A1CF: variants seen among roughly 807,000 people sequenced by gnomAD.
A1CF encodes APOBEC-1 stimulating protein.
In A1CF, 48 loss-of-function variants were observed where a neutral mutation model predicts 68.9. The ratio of observed to expected loss-of-function variants is 0.70; its 90% CI spans 0.55 to 0.89. The LOEUF (loss-of-function observed/expected upper bound fraction) is 0.89. Among genes scored for constraint, A1CF ranks in the 40% least tolerant of loss-of-function variants. The pLI is 0.00. For missense variants in A1CF, 653 were observed against 718.9 expected, an observed-to-expected ratio of 0.91 and a Z score of 1.05; for synonymous variants, 272 against 260.4, an observed-to-expected ratio of 1.04 and a Z score of -0.43.
chr10:50,856,374 A>G (rs1330191984), intron 3 of A1CF, among the ~76,000 whole-genome samples: 2 of 152,212 alleles, frequency 1.3e-5, no homozygotes, highest in African/African-American at 4.8e-5. Flanking sequence ...ATAGGTATTT[A>G]CATTTTGATT....
Position 50,871,049 on chromosome 10 carries a change from A to C in A1CF, c.-93-6969T>G, listed in dbSNP as rs1424882452. ...TTAATACCCAGTATTGGTTTAAAAA[A>C]AATCTTCATAAGTGAACAATAGAAC... On this transcript the variant is annotated intron_variant, in intron 1 of 12. Transcript: ENST00000373997. Among the ~76,000 whole-genome samples, 4 of 151,768 alleles carry C rather than the reference A, an allele frequency of 2.6e-5. No individual in the cohort carries two copies. The East Asian group carries it at 7.7e-4, about 29-fold the overall frequency.
chr10:50,869,914 T>A (rs760541898), intron 1 of A1CF, among the ~76,000 whole-genome samples: 1 of 151,892 alleles, frequency 6.6e-6, no homozygotes, highest in Non-Finnish European at 1.5e-5. Context: ...TAGCTCTTGC[T>A]CATAATATAA....
At chr10:50,879,483 A>C (rs1001914138) in intron 1 of A1CF, among the ~76,000 whole-genome samples, 1 of 152,206 alleles carries the variant, frequency 6.6e-6, no homozygotes, top group Non-Finnish European at 1.5e-5. Context: ...TGGGTAATTT[A>C]TAAAGAAAGA....
chr10:50,801,135 A>G lies in A1CF; in HGVS notation c.*5594T>C, dbSNP rs1837584314. ...CTGCCATATGAAGGCAGAACTCAGG[A>G]CTCACAGCCCAGGGGTTATGAGAGG... On this transcript the variant is annotated 3_prime_UTR_variant, in exon 13 of 13. Transcript: ENST00000373997. 2.6e-5 allele frequency: 4 copies of G among 152,198 alleles called. No individual in the cohort carries two copies. The highest frequency in any genetic ancestry group is 9.7e-5 in the African/African-American group (4 of 41,440). 9.4% of individuals were successfully genotyped at this position (152,198 alleles called of 1,614,324 possible).
chr10:50,830,456 C>T (rs1839183293), intron 6 of A1CF, among the ~76,000 whole-genome samples: 1 of 152,104 alleles, frequency 6.6e-6, no homozygotes, highest in African/African-American at 2.4e-5. Context: ...AGTAGCCTTT[C>T]TATACACTAA....
intron 5 of A1CF, among the ~76,000 whole-genome samples, chr10:50,838,944 T>G (rs1839647117): frequency 6.6e-6 from 1 of 152,162 alleles, no homozygotes; most frequent in Admixed American, 6.5e-5. Flanking sequence ...TTCTGTCATA[T>G]TTTTCCTTTT....
intron 3 of A1CF, among the ~76,000 whole-genome samples, chr10:50,848,755 T>G (rs1564519685): frequency 6.6e-6 from 1 of 152,212 alleles, no homozygotes; most frequent in Non-Finnish European, 1.5e-5. Context: ...TTCCTGTACA[T>G]TTTCCAATTG....
intron 1 of A1CF, among the ~76,000 whole-genome samples, chr10:50,884,513 G>GCGTGCTCCCATTT (rs1435524339): frequency 6.6e-6 from 1 of 152,156 alleles, no homozygotes; most frequent in African/African-American, 2.4e-5. Context: ...TGCTCCCATT[G>GCGTGCTCCCATTT]CATGCTCCAT....
intron 10 of A1CF, among the ~76,000 whole-genome samples, chr10:50,813,214 C>CA (rs1162673695): frequency 2.0e-5 from 3 of 152,208 alleles, no homozygotes. Flanking sequence ...CCCCGGGAGT[C>CA]AGTTTCCATA....
chr10:50,837,059 T>A (rs1839535838), intron 5 of A1CF, among the ~76,000 whole-genome samples: 1 of 152,134 alleles, frequency 6.6e-6, no homozygotes, highest in Non-Finnish European at 1.5e-5. Flanking sequence ...TTTTCTTTTG[T>A]AGCCAAAGAG....
At chr10:50,860,805 A>G (rs1840709789) in intron 2 of A1CF, among the ~76,000 whole-genome samples, 1 of 152,176 alleles carries the variant, frequency 6.6e-6, no homozygotes, top group Admixed American at 6.5e-5. Flanking sequence ...AGTTCCCAGA[A>G]CAAGATAATG....
At chr10:50,811,295 G>A in intron 10 of A1CF, 119 bp from the exon 11 acceptor site, 1 of 941,454 alleles carries the variant, frequency 1.1e-6, no homozygotes, top group Non-Finnish European at 1.5e-6. Flanking sequence ...GACATAAAAT[G>A]CCACATGATT....
chr10:50,815,776 T>A (rs998362402), intron 9 of A1CF, among the ~76,000 whole-genome samples: 3 of 152,228 alleles, frequency 2.0e-5, no homozygotes, highest in African/African-American at 7.2e-5. Context: ...AGTTTGAATC[T>A]GTGCACTAGG....
chr10:50,824,392 TAAG>T (rs1361300103), intron 7 of A1CF: 1 of 152,026 alleles, frequency 6.6e-6, no homozygotes, highest in East Asian at 1.9e-4. Context: ...TAGATAAAAA[TAAG>T]AAGTATTATT....
intron 9 of A1CF, among the ~76,000 whole-genome samples, 192 bp from the exon 10 acceptor site, chr10:50,814,230 T>C (rs1324518893): frequency 6.6e-6 from 1 of 152,202 alleles, no homozygotes; most frequent in Non-Finnish European, 1.5e-5. Flanking sequence ...AGGTTTAACA[T>C]AGGTGTCTCT....
At chr10:50,821,156 A>G (rs1270693215) in intron 7 of A1CF, among the ~76,000 whole-genome samples, 3 of 152,220 alleles carry the variant, frequency 2.0e-5, no homozygotes, top group African/African-American at 4.8e-5. Context: ...TAGAGTGCAC[A>G]CAGAGAGGAA....
chr10:50,884,397 C>G (rs1180737021), intron 1 of A1CF, among the ~76,000 whole-genome samples: 1 of 152,080 alleles, frequency 6.6e-6, no homozygotes, highest in Non-Finnish European at 1.5e-5. Flanking sequence ...AATGTTATTC[C>G]AGAAAGTATG....
At chr10:50,868,041 C>T (rs1198418587) in intron 1 of A1CF, among the ~76,000 whole-genome samples, 1 of 152,182 alleles carries the variant, frequency 6.6e-6, no homozygotes. Flanking sequence ...GCTCCACGTG[C>T]ATTTCAAATC....
At chr10:50,821,103 T>G (rs1424132885) in intron 7 of A1CF, among the ~76,000 whole-genome samples, 1 of 152,196 alleles carries the variant, frequency 6.6e-6, no homozygotes, top group African/African-American at 2.4e-5. Flanking sequence ...TTTTAAAAAT[T>G]TAAATATTAG....
Sources: allele counts gnomAD v4.1 joint callset (sites outside exome capture counted in the v4.1 genomes callset), GRCh38; gene constraint gnomAD v4.1.1; transcripts MANE v1.5; gene names NCBI Gene and HGNC (gene_info 2026-07-23, HGNC 2026-07-21).